The following ABCC9 variants were observed in gnomAD, a reference collection of about 807,000 sequenced individuals.
The protein encoded by ABCC9 is ATP-binding cassette sub-family C member 9.
A neutral mutation model predicts 188.3 loss-of-function variants in ABCC9; 95 were observed. The observed-to-expected ratio is 0.50, with a 90% CI of 0.43 to 0.60. The LOEUF is 0.60. Ranked by LOEUF, ABCC9 falls within the 20% of genes least tolerant of loss-of-function variation. The pLI is 0.00. For missense variants in ABCC9, 1,102 were observed against 1,876.3 expected (o/e 0.59, Z 7.62); for synonymous variants, 659 against 652.7 (o/e 1.01, Z -0.15).
At chr12:21,823,956 G>T (rs550911769) in intron 31 of ABCC9, among the ~76,000 whole-genome samples, 3 of 152,224 alleles carry the variant, frequency 2.0e-5, no homozygotes, top group African/African-American at 7.2e-5. Context: ...TATGATTTGA[G>T]TGTGTTATGG....
chr12:21,907,945 G>A, intron 11 of ABCC9, 132 bp downstream of exon 11: 4 of 1,057,560 alleles, frequency 3.8e-6, no homozygotes, highest in Non-Finnish European at 5.5e-6. Context: ...ATACACATTT[G>A]CTGCTGAAGA....
At chr12:21,909,454 A>T (rs922292978) in intron 10 of ABCC9, among the ~76,000 whole-genome samples, 2 of 152,114 alleles carry the variant, frequency 1.3e-5, no homozygotes, top group East Asian at 3.9e-4. Context: ...TGAGATAATT[A>T]AAAATGTCCA....
At chr12:21,816,480 G>A (rs1451140159) in intron 33 of ABCC9, among the ~76,000 whole-genome samples, 3 of 152,118 alleles carry the variant, frequency 2.0e-5, no homozygotes, top group Non-Finnish European at 4.4e-5. Context: ...GGCTCCAAGA[G>A]GAAACAGTGC....
intron 7 of ABCC9, among the ~76,000 whole-genome samples, chr12:21,915,017 C>T (rs1948476494): frequency 6.6e-6 from 1 of 151,566 alleles, no homozygotes. Context: ...TCTCCTGCCT[C>T]AGCCTCCCAA....
In ABCC9 at chr12:21,896,774, A is replaced by G. The variant is rs370410445; in HGVS notation, c.1619-1459T>C. On this transcript the variant is annotated intron_variant, in intron 12 of 39. Coordinates refer to ENST00000261200, the MANE Select transcript of ABCC9 (RefSeq NM_020297.4). ...ATCCTATTCCTTTTTATGGCTGCAT[A>G]GTATTCCATGGTGTATATACCACAT... is the stretch of plus-strand genomic sequence containing the variant. Among the ~76,000 whole-genome samples the G allele has an allele frequency of 4.9e-4, 74 of 152,334 alleles. 1 individual carries two copies. Among genetic ancestry groups the G allele is most frequent in the African/African-American group, 1.7e-3 (71 of 41,572 alleles).
At chr12:21,913,973 A>G (rs12302824) in intron 7 of ABCC9, among the ~76,000 whole-genome samples, 1 of 152,154 alleles carries the variant, frequency 6.6e-6, no homozygotes, top group Non-Finnish European at 1.5e-5. Flanking sequence ...AAATTAAACT[A>G]TGCTTAGGCT....
intron 12 of ABCC9, among the ~76,000 whole-genome samples, chr12:21,903,880 T>C (rs374560227): frequency 2.6e-5 from 4 of 152,162 alleles, no homozygotes; most frequent in Non-Finnish European, 4.4e-5. Flanking sequence ...GATTCAATGC[T>C]ATCCCCATCA....
intron 18 of ABCC9, among the ~76,000 whole-genome samples, chr12:21,871,351 C>G (rs920641100): frequency 6.6e-6 from 1 of 152,102 alleles, no homozygotes; most frequent in Non-Finnish European, 1.5e-5. Context: ...GCTGGGTATG[C>G]GCTAAACAGT....
chr12:21,933,948 A>G (rs1565499366), intron 3 of ABCC9, 25 bp from the exon 4 acceptor site: 1 of 1,613,156 alleles, frequency 6.2e-7, no homozygotes, highest in African/African-American at 1.3e-5. Context: ...AAAGTTAAAA[A>G]CAAAAAGACA....
intron 36 of ABCC9, among the ~76,000 whole-genome samples, chr12:21,810,518 C>T (rs1942163472): frequency 6.6e-6 from 1 of 152,044 alleles, no homozygotes; most frequent in African/African-American, 2.4e-5. Context: ...GCAAACATGT[C>T]CTTCTTCACA....
chr12:21,923,469 G>C (rs1205135411), intron 5 of ABCC9: 1 of 185,492 alleles, frequency 5.4e-6, no homozygotes, highest in African/African-American at 2.4e-5. Flanking sequence ...ATGAAACATG[G>C]GCAAAAGATA....
chr12:21,905,703 C>T (rs895924530), intron 12 of ABCC9, among the ~76,000 whole-genome samples: 1 of 152,078 alleles, frequency 6.6e-6, no homozygotes, highest in Non-Finnish European at 1.5e-5. Context: ...GAAGATCAAT[C>T]GTCATGTAGT....
chr12:21,874,807 G>T (rs984157556), intron 17 of ABCC9, among the ~76,000 whole-genome samples: 1 of 152,092 alleles, frequency 6.6e-6, no homozygotes, highest in African/African-American at 2.4e-5. Context: ...CTAAAATTTT[G>T]ACTCTTTTAG....
chr12:21,834,784 T>TACAC (rs72277724), intron 30 of ABCC9, among the ~76,000 whole-genome samples: 4 of 30,310 alleles, frequency 1.3e-4, no homozygotes, highest in Non-Finnish European at 2.1e-4. Flanking sequence ...TATATAACAT[T>TACAC]ATACACACAC....
Position 21,816,036 on chromosome 12 carries a change from G to GTTTTTTTTTT in ABCC9, c.3893-153_3893-144dup, listed in dbSNP as rs10611051. On this transcript the variant is annotated intron_variant, in intron 33 of 39. Transcript: ENST00000261200. Reference sequence around the variant, plus strand: ...TAATACTGAACCAAACTATGTGGCAGTTTTTTTTTTTTTTTTTTTTTTTTT... The same window carrying GTTTTTTTTTT: ...TAATACTGAACCAAACTATGTGGCAGTTTTTTTTTTTTTTTTTTTTTTTTTTTTTTTTTTT... The GTTTTTTTTTT allele has an allele frequency of 1.4e-3, 80 of 58,264 alleles. 13 individuals carry two copies. The highest frequency in any genetic ancestry group is 1.8e-3 in the Admixed American group (6 of 3,382). The allele number at this position is 58,264 out of a possible 1,614,324, so 3.6% of individuals were successfully genotyped here. A position where few individuals can be genotyped will look rare whatever the true frequency, so the allele number is the denominator to read the frequency against.
intron 34 of ABCC9, 28 bp from the exon 35 acceptor site, chr12:21,814,750 A>G (rs749095506): frequency 1.3e-6 from 2 of 1,594,594 alleles, no homozygotes; most frequent in Non-Finnish European, 1.7e-6. Flanking sequence ...ACTCAAAGAG[A>G]AGAGGACTCA....
intron 16 of ABCC9, among the ~76,000 whole-genome samples, chr12:21,878,663 A>G (rs1397261245): frequency 6.6e-6 from 1 of 152,220 alleles, no homozygotes; most frequent in Non-Finnish European, 1.5e-5. Flanking sequence ...AGATGTGAAA[A>G]CAGGTAGAAA....
intron 38 of ABCC9, 27 bp downstream of exon 38, chr12:21,807,319 T>A: frequency 6.2e-7 from 1 of 1,613,694 alleles, no homozygotes; most frequent in African/African-American, 1.3e-5. Context: ...AATTCGTCAA[T>A]TTTAAAAGCT....
Position 21,936,182 on chromosome 12 carries a change from T to C in ABCC9, c.142+351A>G, listed in dbSNP as rs554852619. Among the ~76,000 whole-genome samples the C allele has an allele frequency of 6.8e-4, 103 of 152,288 alleles. 1 individual carries two copies. The highest frequency in any genetic ancestry group is 2.3e-3 in the African/African-American group (97 of 41,578). On this transcript the variant is annotated intron_variant, in intron 3 of 39. Coordinates refer to ENST00000261200, the MANE Select transcript of ABCC9 (RefSeq NM_020297.4). ...TTAACACATCTGCCCCACTGGACTA[T>C]TCCCTGAAGGCAAGTACTCTTTTAT...
Sources: allele counts gnomAD v4.1 joint callset (sites outside exome capture counted in the v4.1 genomes callset), GRCh38; gene constraint gnomAD v4.1.1; transcripts MANE v1.5; gene names NCBI Gene and HGNC (gene_info 2026-07-23, HGNC 2026-07-21).